Variants in YEATS2 observed in about 807,000 individuals in gnomAD.
YEATS2 encodes YEATS domain containing 2, also known as YEATS domain-containing protein 2.
YEATS2 carries 77 observed loss-of-function variants against 163.2 expected under a neutral mutation model. The observed-to-expected ratio is 0.47, with a 90% CI of 0.39 to 0.57. The LOEUF (loss-of-function observed/expected upper bound fraction) is 0.57. Ranked by LOEUF, YEATS2 falls within the 20% of genes least tolerant of loss-of-function variation. YEATS2 has a pLI of 0.00. For missense variants in YEATS2, 1,549 were observed against 1,729.8 expected, an observed-to-expected ratio of 0.90 and a Z score of 1.85; for synonymous variants, 631 against 645.1, an observed-to-expected ratio of 0.98 and a Z score of 0.33.
chr3:183,805,783 T>C (rs1441279046), intron 27 of YEATS2, among the ~76,000 whole-genome samples: 1 of 151,324 alleles, frequency 6.6e-6, no homozygotes, highest in Non-Finnish European at 1.5e-5. Context: ...CGCAAAACCC[T>C]GTCCAAAAAA....
chr3:183,705,091 A>G (rs952454805), intron 1 of YEATS2, among the ~76,000 whole-genome samples: 1 of 152,062 alleles, frequency 6.6e-6, no homozygotes, highest in African/African-American at 2.4e-5. Flanking sequence ...TCTGTCACCC[A>G]GGCTGGAGGT....
At chr3:183,724,798 A>T (rs1052257812) in intron 6 of YEATS2, among the ~76,000 whole-genome samples, 2 of 152,124 alleles carry the variant, frequency 1.3e-5, no homozygotes, top group African/African-American at 4.8e-5. Context: ...ACCAGAATGC[A>T]ATGGCATGAT....
chr3:183,771,718 ATTTTTTTTTTTTT>A (rs10592078), intron 15 of YEATS2, among the ~76,000 whole-genome samples: 11 of 100,222 alleles, frequency 1.1e-4, no homozygotes, highest in Non-Finnish European at 1.3e-4. Context: ...GTACTGGCTA[ATTTTTTTTTTTTT>A]TTTTTTTTTT....
intron 23 of YEATS2, 62 bp downstream of exon 23, chr3:183,799,051 G>A: frequency 6.4e-6 from 8 of 1,245,364 alleles, no homozygotes; most frequent in African/African-American, 1.5e-5. Context: ...TGTCGTTCAC[G>A]TTCTCTCCTG....
intron 6 of YEATS2, among the ~76,000 whole-genome samples, chr3:183,726,637 T>G (rs1717126013): frequency 6.6e-6 from 1 of 152,202 alleles, no homozygotes; most frequent in Admixed American, 6.5e-5. Context: ...ACTAATTTTC[T>G]CATGAAGTTT....
chr3:183,704,895 C>T (rs560187486), intron 1 of YEATS2, among the ~76,000 whole-genome samples: 1 of 152,300 alleles, frequency 6.6e-6, no homozygotes, highest in African/African-American at 2.4e-5. Context: ...TCCCAAAATG[C>T]TGGGATTACA....
intron 15 of YEATS2, among the ~76,000 whole-genome samples, chr3:183,767,467 G>A (rs545785351): frequency 2.6e-5 from 4 of 151,556 alleles, no homozygotes; most frequent in African/African-American, 9.7e-5. Context: ...TACAACCTCC[G>A]CCTCTTGGGT....
intron 11 of YEATS2, among the ~76,000 whole-genome samples, chr3:183,755,424 G>A (rs1720622213): frequency 6.6e-6 from 1 of 152,090 alleles, no homozygotes; most frequent in South Asian, 2.1e-4. Context: ...GTCATTGGTA[G>A]GCAATTTTAC....
intron 9 of YEATS2, among the ~76,000 whole-genome samples, chr3:183,749,204 A>T (rs543820514): frequency 6.6e-6 from 1 of 152,060 alleles, no homozygotes; most frequent in Non-Finnish European, 1.5e-5. Flanking sequence ...CGGCCTCCCA[A>T]AGTGCTGGGA....
chr3:183,758,279 C>T (rs1720968025), intron 12 of YEATS2, among the ~76,000 whole-genome samples: 1 of 152,110 alleles, frequency 6.6e-6, no homozygotes, highest in Admixed American at 6.6e-5. Context: ...ATCACTTGAA[C>T]CCAGTAGGTG....
At chr3:183,779,569 AT>A (rs1341836481) in intron 19 of YEATS2, among the ~76,000 whole-genome samples, 2 of 152,198 alleles carry the variant, frequency 1.3e-5, no homozygotes, top group African/African-American at 4.8e-5. Flanking sequence ...TTTGTAGTGT[AT>A]TCAGCCTTTT....
chr3:183,799,086 A>G (rs1288025460), intron 23 of YEATS2, 97 bp downstream of exon 23: 2 of 906,584 alleles, frequency 2.2e-6, no homozygotes, highest in Non-Finnish European at 3.6e-6. Flanking sequence ...TATGCGGGAC[A>G]TTACCATAAT....
In YEATS2 at chr3:183,773,696, C is replaced by T. The variant is rs35289368; in HGVS notation, c.2270C>T (p.Thr757Ile). ...AACTTGGCAAATTTGCCTCCTGGCACTAAACTCTACCTAACTACAAACAGC... is the reference window on the plus strand; with the variant it reads ...AACTTGGCAAATTTGCCTCCTGGCATTAAACTCTACCTAACTACAAACAGC... The part of the protein sequence containing the change: ...LANLANLPPG[T>I]KLYLTTNSKN... Residue 757 changes from threonine (T) to isoleucine (I), a missense_variant, in exon 17 of 31, where the codon ACT (threonine) becomes ATT (isoleucine). Transcript: ENST00000305135. 2 of 1,613,466 alleles carry T rather than the reference C, an allele frequency of 1.2e-6. No homozygotes were observed. Among genetic ancestry groups the T allele is most frequent in the East Asian group, 2.2e-5 (1 of 44,810 alleles).
At chr3:183,793,207 A>G in intron 21 of YEATS2, 2 of 1,267,224 alleles carry the variant, frequency 1.6e-6, no homozygotes, top group Non-Finnish European at 2.0e-6. Context: ...TGCAGACAAC[A>G]CCCCTTACTG....
At chr3:183,757,004 T>C (rs1034676171) in intron 12 of YEATS2, among the ~76,000 whole-genome samples, 3 of 152,218 alleles carry the variant, frequency 2.0e-5, no homozygotes, top group African/African-American at 7.2e-5. Flanking sequence ...GTAAGCAATG[T>C]GGTTACTACC....
intron 15 of YEATS2, among the ~76,000 whole-genome samples, chr3:183,765,653 A>G (rs1319641211): frequency 1.3e-5 from 2 of 152,204 alleles, no homozygotes; most frequent in African/African-American, 2.4e-5. Context: ...CCTAGAAACT[A>G]TGCCAGAGAA....
chr3:183,737,915 G>A (rs1718518008), intron 8 of YEATS2, among the ~76,000 whole-genome samples: 1 of 152,160 alleles, frequency 6.6e-6, no homozygotes, highest in Non-Finnish European at 1.5e-5. Context: ...AGACAACTCT[G>A]TGAGTACCAT....
At position 183,747,691 on chromosome 3, in the gene YEATS2, G is replaced by T. The variant is rs1187187496; in HGVS notation, c.944G>T (p.Gly315Val). 1 of 1,613,070 alleles carries T rather than the reference G, an allele frequency of 6.2e-7. No homozygotes were observed. Among genetic ancestry groups the T allele is most frequent in the Non-Finnish European group, 8.5e-7 (1 of 1,179,354 alleles). ...CCATAGCTGGATAGAACTTATACTG[G>T]CTTGCAGACTCTTGGAGCAGAGACG... Reference protein sequence around the residue: ...HNLKLDRTYTGLQTLGAETVV... With the variant: ...HNLKLDRTYTVLQTLGAETVV... Residue 315 changes from glycine (G) to valine (V), a missense_variant, in exon 9 of 31, where the codon GGC becomes GTC. Gly to Val is a moderately radical substitution (Grantham distance 109). Transcript: ENST00000305135.
chr3:183,710,655 C>G (rs1715103312), intron 1 of YEATS2, among the ~76,000 whole-genome samples: 1 of 151,670 alleles, frequency 6.6e-6, no homozygotes, highest in Non-Finnish European at 1.5e-5. Flanking sequence ...TCTCTTTTCT[C>G]TTCCTAGTCT....
Sources: allele counts gnomAD v4.1 joint callset (sites outside exome capture counted in the v4.1 genomes callset), GRCh38; gene constraint gnomAD v4.1.1; transcripts MANE v1.5; gene names NCBI Gene and HGNC (gene_info 2026-07-23, HGNC 2026-07-21).